Variants in FTO observed in about 807,000 individuals in gnomAD.
FTO encodes the protein FTO alpha-ketoglutarate dependent dioxygenase, also known as alpha-ketoglutarate-dependent dioxygenase FTO.
In FTO, 47 loss-of-function variants were observed where a neutral mutation model predicts 63.9. That is an observed-to-expected ratio of 0.74 (90% CI 0.58 to 0.94). The LOEUF is 0.94. Among genes scored for constraint, FTO ranks in the 40% least tolerant of loss-of-function variants. FTO has a pLI of 0.00. For missense variants in FTO, 562 were observed against 618.1 expected (o/e 0.91, Z 0.96); for synonymous variants, 207 against 224.4 (o/e 0.92, Z 0.69).
rs1226942392 is a variant in FTO, at chr16:53,760,233, TGTGTGTGTGTGTGTGTGTGTGTGTG to T, written c.46-49906_46-49882del. 9.5e-3 allele frequency among the ~76,000 whole-genome samples: 154 copies of T among 16,130 alleles called. 6 individuals are homozygous for T. In the African/African-American group the frequency reaches 0.1, roughly 10 times the overall value. 10.6% of individuals were successfully genotyped at this position (16,130 alleles called of 152,430 possible). A position where few individuals can be genotyped will look rare whatever the true frequency, so the allele number is the denominator to read the frequency against. Reference sequence around the variant, plus strand: ...GTGTGTGTGTGTGTGTGTGTGTGTGTGTGTGTGTGTGTGTGTGTGTGTGTGTGTTTTTTGGAGACAGGGTCTCACT... The same window carrying T: ...GTGTGTGTGTGTGTGTGTGTGTGTGTTGTTTTTTGGAGACAGGGTCTCACT... On this transcript the variant is annotated intron_variant, in intron 1 of 8. Transcript: ENST00000471389.
chr16:54,052,394 A>G (rs2085332686), intron 8 of FTO, among the ~76,000 whole-genome samples: 1 of 152,164 alleles, frequency 6.6e-6, no homozygotes, highest in South Asian at 2.1e-4. Flanking sequence ...GTAAAAATTG[A>G]TATGTGATGA....
chr16:53,876,309 G>A (rs1486778531), intron 5 of FTO, among the ~76,000 whole-genome samples: 1 of 152,094 alleles, frequency 6.6e-6, no homozygotes, highest in East Asian at 1.9e-4. Context: ...ATATGGTTCT[G>A]TAGTTTTGTT....
At chr16:53,736,131 C>T (rs1350069861) in intron 1 of FTO, among the ~76,000 whole-genome samples, 1 of 152,202 alleles carries the variant, frequency 6.6e-6, no homozygotes, top group Admixed American at 6.5e-5. Context: ...ACTGCTCCAG[C>T]TAGCAGCTGG....
At chr16:53,782,805 C>T (rs1156307548) in intron 1 of FTO, among the ~76,000 whole-genome samples, 1 of 152,218 alleles carries the variant, frequency 6.6e-6, no homozygotes, top group Non-Finnish European at 1.5e-5. Flanking sequence ...ATATTCATCA[C>T]TGTCTGAAAT....
Position 54,112,196 on chromosome 16 carries a change from G to A in FTO, c.*281G>A, listed in dbSNP as rs1460517315. On this transcript the variant is annotated 3_prime_UTR_variant, in exon 9 of 9. Coordinates refer to ENST00000471389, the MANE Select transcript of FTO (RefSeq NM_001080432.3). ...TCAGCCCCCAAGGTCCAGGGCAGGCGACAGGAACGAGCCCAGCGTGTGACA... is the reference window on the plus strand; with the variant it reads ...TCAGCCCCCAAGGTCCAGGGCAGGCAACAGGAACGAGCCCAGCGTGTGACA... The A allele has an allele frequency of 9.8e-5, 43 of 438,396 alleles. No homozygotes were observed. In the Admixed American group the frequency reaches 1.4e-3, roughly 14 times the overall value. The allele number at this position is 438,396 out of a possible 1,614,324, so 27.2% of individuals were successfully genotyped here. A position where few individuals can be genotyped will look rare whatever the true frequency, so the allele number is the denominator to read the frequency against.
At chr16:53,854,847 C>T (rs2079933267) in intron 4 of FTO, among the ~76,000 whole-genome samples, 1 of 152,082 alleles carries the variant, frequency 6.6e-6, no homozygotes, top group Non-Finnish European at 1.5e-5. Flanking sequence ...ATAGGAATTG[C>T]ATCAAGTCTG....
At chr16:53,856,265 T>C (rs9938445) in intron 4 of FTO, among the ~76,000 whole-genome samples, 55,897 of 151,496 alleles carry the variant, frequency 0.37, 13,148 homozygotes, top group East Asian at 0.75. Flanking sequence ...TTTCCTCATC[T>C]AGTCAGTCCC....
rs564227857 is a variant in FTO at position 53,941,555 on chromosome 16, A to G, written c.1364+7446A>G. Reference sequence around the variant, plus strand: ...TTTGTTTGTTTACCAGCCGTAAAACATACACCTCAGGCCAGGTGCAGTGGC... The same window carrying G: ...TTTGTTTGTTTACCAGCCGTAAAACGTACACCTCAGGCCAGGTGCAGTGGC... On this transcript the variant is annotated intron_variant, in intron 8 of 8. Transcript: ENST00000471389. Among the ~76,000 whole-genome samples the G allele has an allele frequency of 2.1e-3, 324 of 152,354 alleles. 1 individual carries two copies. The highest frequency in any genetic ancestry group is 3.9e-3 in the Non-Finnish European group (264 of 68,032).
chr16:53,799,737 G>A (rs980521565), intron 1 of FTO, among the ~76,000 whole-genome samples: 7 of 152,156 alleles, frequency 4.6e-5, no homozygotes, highest in African/African-American at 7.2e-5. Flanking sequence ...AAATGGCAGC[G>A]TTCCTGGTAC....
At chr16:53,880,943 A>C (rs1464114018) in intron 6 of FTO, among the ~76,000 whole-genome samples, 4 of 143,132 alleles carry the variant, frequency 2.8e-5, no homozygotes, top group Non-Finnish European at 6.0e-5. Context: ...CTACTAAAAA[A>C]AAAAAAAAAA....
intron 8 of FTO, among the ~76,000 whole-genome samples, chr16:53,994,765 G>A (rs1230498518): frequency 4.0e-5 from 6 of 150,724 alleles, no homozygotes; most frequent in African/African-American, 1.2e-4. Flanking sequence ...ACAAGGTCTC[G>A]CTCTGTTGTC....
chr16:53,958,027 A>G (rs763938587), intron 8 of FTO, among the ~76,000 whole-genome samples: 2 of 152,234 alleles, frequency 1.3e-5, no homozygotes, highest in Non-Finnish European at 2.9e-5. Flanking sequence ...TATAGTGAAC[A>G]TAGTAGTGTG....
At chr16:54,062,662 C>T (rs1159771461) in intron 8 of FTO, among the ~76,000 whole-genome samples, 4 of 152,178 alleles carry the variant, frequency 2.6e-5, no homozygotes, top group African/African-American at 4.8e-5. Flanking sequence ...ATGAGTGAGG[C>T]GAGGTAGTGT....
chr16:54,005,848 C>CT (rs1277493231), intron 8 of FTO, among the ~76,000 whole-genome samples: 57 of 152,228 alleles, frequency 3.7e-4, no homozygotes, highest in African/African-American at 1.3e-3. Flanking sequence ...TGCCTTAGGA[C>CT]TTTTTGGCCA....
chr16:54,058,878 G>A (rs1473032301), intron 8 of FTO, among the ~76,000 whole-genome samples: 2 of 152,114 alleles, frequency 1.3e-5, no homozygotes, highest in East Asian at 3.8e-4. Context: ...TTTTGTTGTG[G>A]TGGTGGTTGT....
At chr16:54,075,797 TTACTG>T (rs533721520) in intron 8 of FTO, among the ~76,000 whole-genome samples, 77 of 152,346 alleles carry the variant, frequency 5.1e-4, no homozygotes, top group African/African-American at 1.6e-3. Flanking sequence ...TACTAAATCT[TTACTG>T]TATGTGAAAT....
intron 1 of FTO, among the ~76,000 whole-genome samples, chr16:53,782,083 T>TA (rs1336886609): frequency 6.6e-6 from 1 of 152,196 alleles, no homozygotes; most frequent in Non-Finnish European, 1.5e-5. Context: ...AGTGCCCGTA[T>TA]ACCCAGAACT....
chr16:54,052,129 G>A (rs998245513), intron 8 of FTO, among the ~76,000 whole-genome samples: 2 of 152,128 alleles, frequency 1.3e-5, no homozygotes, highest in Non-Finnish European at 1.5e-5. Context: ...ATACTTCATG[G>A]TTATGGGCAT....
chr16:53,797,010 G>A (rs968588131), intron 1 of FTO, among the ~76,000 whole-genome samples: 1 of 152,192 alleles, frequency 6.6e-6, no homozygotes, highest in East Asian at 1.9e-4. Flanking sequence ...GCATTTTCTC[G>A]AATTTTGCAT....
Sources: allele counts gnomAD v4.1 joint callset (sites outside exome capture counted in the v4.1 genomes callset), GRCh38; gene constraint gnomAD v4.1.1; transcripts MANE v1.5; gene names NCBI Gene and HGNC (gene_info 2026-07-23, HGNC 2026-07-21).